The following SRPK2 variants were observed in gnomAD, a reference collection of about 807,000 sequenced individuals.
SRPK2 encodes SFRS protein kinase 2.
Under a neutral mutation model 90.8 loss-of-function variants are expected in SRPK2, and 21 were observed. That is an observed-to-expected ratio of 0.23 (90% confidence interval 0.16 to 0.33). The LOEUF is 0.33. SRPK2 is among the 10% of genes least tolerant of loss of function. SRPK2 has a pLI of 1.00. For synonymous variants in SRPK2, 288 were observed against 311.1 expected (o/e 0.93, Z 0.78); for missense variants, 620 against 869.0 (o/e 0.71, Z 3.60).
In SRPK2 at chr7:105,304,965, C is replaced by T. The variant is rs1334738876; in HGVS notation, c.71+83683G>A. 2.0e-5 allele frequency among the ~76,000 whole-genome samples: 3 copies of T among 152,284 alleles called. No individual in the cohort carries two copies. The East Asian group carries it at 5.8e-4, about 29-fold the overall frequency. ...GCTTTAAAACCAAACTATTACACAG[C>T]TAAATATCCTGACCTAACAAAGATA... On this transcript the variant is annotated intron_variant, in intron 2 of 15. Coordinates refer to ENST00000393651, the MANE Select transcript of SRPK2 (RefSeq NM_182692.3).
chr7:105,148,080 CA>C (rs747493557), intron 7 of SRPK2, among the ~76,000 whole-genome samples: 8 of 152,144 alleles, frequency 5.3e-5, no homozygotes, highest in African/African-American at 1.2e-4. Context: ...GATGAACTGC[CA>C]AAGTGTCTTC....
chr7:105,325,906 C>A (rs1474911825), intron 2 of SRPK2, among the ~76,000 whole-genome samples: 1 of 152,212 alleles, frequency 6.6e-6, no homozygotes, highest in African/African-American at 2.4e-5. Flanking sequence ...ATCTGTGGGA[C>A]TACGACTGAA....
intron 2 of SRPK2, among the ~76,000 whole-genome samples, chr7:105,319,317 G>C (rs930455835): frequency 1.3e-5 from 2 of 152,036 alleles, no homozygotes; most frequent in Admixed American, 1.3e-4. Flanking sequence ...TCTAAGAATA[G>C]AAGAGTTTAA....
chr7:105,265,295 A>G (rs967168467), intron 2 of SRPK2, among the ~76,000 whole-genome samples: 2 of 152,252 alleles, frequency 1.3e-5, no homozygotes, highest in Non-Finnish European at 2.9e-5. Flanking sequence ...AAACTATAAT[A>G]TAACAACTAT....
intron 2 of SRPK2, among the ~76,000 whole-genome samples, chr7:105,370,028 A>AAACAACAAG (rs1819523206): frequency 6.7e-6 from 1 of 150,142 alleles, no homozygotes; most frequent in South Asian, 2.1e-4. Context: ...ACTCCATCTC[A>AAACAACAAG]AACAACAACA....
intron 2 of SRPK2, among the ~76,000 whole-genome samples, chr7:105,296,158 T>G (rs955380640): frequency 6.6e-6 from 1 of 152,208 alleles, no homozygotes; most frequent in Non-Finnish European, 1.5e-5. Flanking sequence ...ACTCCACAAG[T>G]GCTTTTCAAC....
At position 105,378,145 on chromosome 7, in the gene SRPK2, T is replaced by C. The variant is rs537490952; in HGVS notation, c.71+10503A>G. On this transcript the variant is annotated intron_variant, in intron 2 of 15. Transcript: ENST00000393651. ...TACACGCCATTTTAAACCCCACATG[T>C]TGACACCAACTGCAGTGTTTCTTCG... Among the ~76,000 whole-genome samples the C allele has an allele frequency of 2.6e-5, 4 of 152,282 alleles. No homozygotes were observed. In the South Asian group the frequency reaches 8.3e-4, roughly 32 times the overall value.
intron 2 of SRPK2, among the ~76,000 whole-genome samples, chr7:105,239,671 G>A (rs944545338): frequency 3.3e-5 from 5 of 152,116 alleles, no homozygotes; most frequent in African/African-American, 2.4e-5. Flanking sequence ...CTGGTTAGAC[G>A]GAGTCTGACT....
chr7:105,260,948 G>A (rs1804155835), intron 2 of SRPK2, among the ~76,000 whole-genome samples: 1 of 150,342 alleles, frequency 6.7e-6, no homozygotes, highest in South Asian at 2.1e-4. Flanking sequence ...CGAGTTGATG[G>A]GTGCAGGAAA....
chr7:105,316,442 A>T (rs1215221246), intron 2 of SRPK2, among the ~76,000 whole-genome samples: 1 of 152,190 alleles, frequency 6.6e-6, no homozygotes, highest in Middle Eastern at 3.2e-3. Context: ...TTTACCTCCA[A>T]GCTAAGTAAG....
rs545297753 is a variant in SRPK2 at position 105,314,261 on chromosome 7, G to A, written c.71+74387C>T. Among the ~76,000 whole-genome samples the A allele has an allele frequency of 3.9e-5, 6 of 152,164 alleles. No homozygotes were observed. In the East Asian group the frequency reaches 1.2e-3, roughly 30 times the overall value. On this transcript the variant is annotated intron_variant, in intron 2 of 15. Transcript: ENST00000393651. Reference sequence around the variant, plus strand: ...ATATGAAAATCACTTGAACCCAGGAGGCAGAGGTTACACTGAGCTGAGATC... The same window carrying A: ...ATATGAAAATCACTTGAACCCAGGAAGCAGAGGTTACACTGAGCTGAGATC...
At chr7:105,185,322 TTAAAA>T (rs1262048851) in intron 3 of SRPK2, among the ~76,000 whole-genome samples, 1 of 151,816 alleles carries the variant, frequency 6.6e-6, no homozygotes, top group Non-Finnish European at 1.5e-5. Context: ...AATTTAACAA[TTAAAA>T]TAACTCAGAA....
intron 2 of SRPK2, among the ~76,000 whole-genome samples, chr7:105,257,321 T>C (rs1260414822): frequency 2.0e-5 from 3 of 152,250 alleles, no homozygotes; most frequent in Non-Finnish European, 2.9e-5. Context: ...ATTGTTGCTA[T>C]TGTTATTATA....
At chr7:105,250,026 T>C (rs977880750) in intron 2 of SRPK2, among the ~76,000 whole-genome samples, 1 of 152,176 alleles carries the variant, frequency 6.6e-6, no homozygotes, top group African/African-American at 2.4e-5. Context: ...GTTATTCTAC[T>C]GTTAAAAAGT....
At chr7:105,245,527 A>C (rs1307642685) in intron 2 of SRPK2, among the ~76,000 whole-genome samples, 1 of 152,172 alleles carries the variant, frequency 6.6e-6, no homozygotes, top group Non-Finnish European at 1.5e-5. Flanking sequence ...ACAGGAAGAG[A>C]GGCTAGTGAA....
chr7:105,220,595 G>GA (rs1203291783), intron 2 of SRPK2, among the ~76,000 whole-genome samples: 3 of 152,018 alleles, frequency 2.0e-5, no homozygotes, highest in African/African-American at 4.8e-5. Context: ...CTAACATTAA[G>GA]AAAAAAAGTC....
At chr7:105,267,895 T>C (rs1453580612) in intron 2 of SRPK2, among the ~76,000 whole-genome samples, 17 of 152,120 alleles carry the variant, frequency 1.1e-4, no homozygotes, top group Admixed American at 1.0e-3. Flanking sequence ...AATCAACATA[T>C]ACCTTAAGTA....
At chr7:105,160,731 C>T in intron 6 of SRPK2, 118 bp from the exon 7 acceptor site, 1 of 569,160 alleles carries the variant, frequency 1.8e-6, no homozygotes, top group Non-Finnish European at 3.2e-6. Context: ...CAACATCAAC[C>T]CTATCAGTAA....
chr7:105,143,573 A>C (rs1584936754), intron 9 of SRPK2: 1 of 517,028 alleles, frequency 1.9e-6, no homozygotes, highest in East Asian at 3.4e-5. Flanking sequence ...GATATAGCTT[A>C]AATCCAGTAA....
Sources: gnomAD v4.1 joint callset for allele counts (sites outside exome capture counted in the v4.1 genomes callset) on GRCh38, gnomAD v4.1.1 for gene constraint, MANE v1.5 for transcripts, NCBI Gene and HGNC (gene_info 2026-07-23, HGNC 2026-07-21) for gene names.